The following PCDH7 variants were observed in gnomAD, a reference collection of about 807,000 sequenced individuals.
PCDH7 encodes protocadherin-7.
PCDH7 carries 17 observed loss-of-function variants against 58.9 expected under a neutral mutation model. That is an observed-to-expected ratio of 0.29 (90% CI 0.20 to 0.43). The LOEUF is 0.43. PCDH7 is among the 20% of genes least tolerant of loss of function. The probability of loss-of-function intolerance (pLI) is 1.00; values close to 1 mark genes in which losing one functional copy is unlikely to be tolerated. For synonymous variants in PCDH7, 664 were observed against 616.4 expected, an observed-to-expected ratio of 1.08 and a Z score of -1.14; for missense variants, 1,274 against 1,441.0, an observed-to-expected ratio of 0.88 and a Z score of 1.88.
intron 1 of PCDH7, among the ~76,000 whole-genome samples, chr4:30,838,376 A>G (rs1253293558): frequency 6.6e-6 from 1 of 151,854 alleles, no homozygotes; most frequent in African/African-American, 2.4e-5. Flanking sequence ...CTCTTGGGAG[A>G]TGTACTTAAA....
At chr4:30,922,514 G>A (rs1743307928) in intron 2 of PCDH7, among the ~76,000 whole-genome samples, 1 of 151,906 alleles carries the variant, frequency 6.6e-6, no homozygotes, top group Non-Finnish European at 1.5e-5. Flanking sequence ...ATAATTAAAA[G>A]ATAATTATAT....
chr4:30,921,915 G>T (rs1418983350), intron 2 of PCDH7, among the ~76,000 whole-genome samples: 1 of 151,760 alleles, frequency 6.6e-6, no homozygotes, highest in Non-Finnish European at 1.5e-5. Flanking sequence ...ATTAAAAAAG[G>T]ACTTTGTACC....
chr4:30,884,657 C>T (rs920713461), intron 1 of PCDH7: 4 of 152,074 alleles, frequency 2.6e-5, no homozygotes, highest in African/African-American at 7.2e-5. Flanking sequence ...AGACATGTGA[C>T]GTATGGGAAT....
At chr4:31,084,745 AGGGAG>A (rs1453427600) in intron 3 of PCDH7, among the ~76,000 whole-genome samples, 6 of 53,130 alleles carry the variant, frequency 1.1e-4, no homozygotes, top group African/African-American at 2.3e-4. Context: ...GGAGGGGATG[AGGGAG>A]GGGAGGGGAG....
chr4:31,012,145 T>C (rs1394713941), intron 3 of PCDH7, among the ~76,000 whole-genome samples: 2 of 152,132 alleles, frequency 1.3e-5, no homozygotes, highest in Non-Finnish European at 2.9e-5. Context: ...CATAGTTTCT[T>C]GCAAGAAAAA....
chr4:30,864,548 T>G (rs1377142171), intron 1 of PCDH7, among the ~76,000 whole-genome samples: 1 of 151,886 alleles, frequency 6.6e-6, no homozygotes, highest in African/African-American at 2.4e-5. Flanking sequence ...CCTAAAATGG[T>G]AGGATATAGA....
At chr4:31,097,135 T>C (rs987820326) in intron 3 of PCDH7, among the ~76,000 whole-genome samples, 1 of 152,154 alleles carries the variant, frequency 6.6e-6, no homozygotes, top group African/African-American at 2.4e-5. Flanking sequence ...ATGTGCCTGC[T>C]TGCCATTTTT....
intron 1 of PCDH7, among the ~76,000 whole-genome samples, chr4:30,828,632 C>G (rs1560412449): frequency 6.6e-6 from 1 of 151,700 alleles, no homozygotes; most frequent in Admixed American, 6.6e-5. Context: ...CTCTTGTGTG[C>G]AAAAAAACAT....
rs115133179 is a variant in PCDH7, at chr4:30,982,730, C to T, written c.*7+32515C>T. 3.3e-3 allele frequency among the ~76,000 whole-genome samples: 499 copies of T among 152,106 alleles called. 4 individuals carry two copies. Among genetic ancestry groups the T allele is most frequent in the African/African-American group, 9.5e-3 (396 of 41,484 alleles). On this transcript the variant is annotated intron_variant, in intron 3 of 3. Coordinates refer to the PCDH7 transcript ENST00000509759. The stretch of plus-strand genomic sequence containing the variant: ...TTTTTTTTCCCAGTTACTTTACTGA[C>T]CTCACCACATTTAACAGTAACTGCA...
At chr4:31,087,851 T>A (rs1712669554) in intron 3 of PCDH7, among the ~76,000 whole-genome samples, 1 of 152,144 alleles carries the variant, frequency 6.6e-6, no homozygotes, top group African/African-American at 2.4e-5. Flanking sequence ...ATATAATCAT[T>A]ATTAACATGT....
In PCDH7 at chr4:30,840,009, C is replaced by T. The variant is rs376640211; in HGVS notation, c.71-80144C>T. 1.6e-4 allele frequency among the ~76,000 whole-genome samples: 24 copies of T among 148,988 alleles called. No individual in the cohort carries two copies. In the East Asian group the frequency reaches 2.0e-3, roughly 12 times the overall value. ...TGATTAGCTAAGCAAATGATTAGTG[C>T]GACAGTAGCAATGATGATGAGTGTG... On this transcript the variant is annotated intron_variant, in intron 1 of 3. Coordinates refer to the PCDH7 transcript ENST00000509759.
intron 2 of PCDH7, among the ~76,000 whole-genome samples, chr4:30,942,110 G>A (rs989579542): frequency 4.6e-5 from 7 of 151,776 alleles, no homozygotes; most frequent in Non-Finnish European, 1.0e-4. Flanking sequence ...TATATCCAGC[G>A]AAACTAGGAC....
chr4:30,778,546 A>T (rs1319878143), intron 1 of PCDH7, among the ~76,000 whole-genome samples: 1 of 152,202 alleles, frequency 6.6e-6, no homozygotes, highest in African/African-American at 2.4e-5. Context: ...CTTCAAAAAT[A>T]AAAGGAGATT....
intron 2 of PCDH7, among the ~76,000 whole-genome samples, chr4:30,922,541 G>A (rs75586797): frequency 0.027 from 4,177 of 151,902 alleles, 187 homozygotes; most frequent in African/African-American, 0.094. Context: ...AACACATATC[G>A]GTTACCTTTT....
chr4:31,074,784 CAAAA>C (rs1157267696), intron 3 of PCDH7, among the ~76,000 whole-genome samples: 2 of 52,484 alleles, frequency 3.8e-5, no homozygotes, highest in Non-Finnish European at 6.3e-5. Context: ...GATTCCGTCT[CAAAA>C]AAAAAAAAAA....
At chr4:30,976,230 C>A (rs926282499) in intron 3 of PCDH7, among the ~76,000 whole-genome samples, 1 of 151,636 alleles carries the variant, frequency 6.6e-6, no homozygotes, top group Non-Finnish European at 1.5e-5. Context: ...CTCGGCTCAC[C>A]ACTAACTCCA....
chr4:30,925,955 A>G (rs1216433699), intron 2 of PCDH7: 1 of 152,216 alleles, frequency 6.6e-6, no homozygotes, highest in Non-Finnish European at 1.5e-5. Flanking sequence ...TGATGACCTC[A>G]GTTTGAATCC....
rs200930197 is a variant in PCDH7, at chr4:30,724,179, C to G, written c.2757C>G (p.His919Gln). The G allele has an allele frequency of 6.2e-6, 10 of 1,613,778 alleles. No individual in the cohort carries two copies. In the South Asian group the frequency reaches 8.8e-5, roughly 14 times the overall value. The change falls in exon 1 of 2, where the codon CAC (histidine) becomes CAG (glutamine). Residue 919 changes from histidine (H) to glutamine (Q), a missense_variant. This residue lies in a region of PCDH7 where 731 missense variants were observed against 881.9 expected (regional missense o/e 0.83). Coordinates refer to ENST00000361762, the Ensembl canonical transcript of PCDH7. ...GCTATGAAGCCGGCAAAAAAGATCA[C>G]GAAGACTTTTTTACACCCCAACAGC...
At chr4:31,138,107 T>A (rs191113444) in intron 3 of PCDH7, among the ~76,000 whole-genome samples, 1 of 151,732 alleles carries the variant, frequency 6.6e-6, no homozygotes, top group East Asian at 1.9e-4. Flanking sequence ...AAACATGAAA[T>A]TCCTCTCTAA....
Sources: gnomAD v4.1 joint callset for allele counts (sites outside exome capture counted in the v4.1 genomes callset) on GRCh38, gnomAD v4.1.1 for gene constraint, gnomAD v4.1.1 regional missense constraint, MANE v1.5 for transcripts, NCBI Gene and HGNC (gene_info 2026-07-23, HGNC 2026-07-21) for gene names.